Variants in FRMPD4 observed in about 807,000 individuals in gnomAD.
The protein encoded by FRMPD4 is FERM and PDZ domain-containing protein 4.
A neutral mutation model predicts 94.1 loss-of-function variants in FRMPD4; 22 were observed. The ratio of observed to expected loss-of-function variants is 0.23; its 90% CI spans 0.17 to 0.33. The LOEUF (loss-of-function observed/expected upper bound fraction) is 0.33, where lower values mean the gene tolerates loss of function less well. FRMPD4 is among the 10% of genes least tolerant of loss of function. The pLI is 1.00. For synonymous variants in FRMPD4, 631 were observed against 548.6 expected (o/e 1.15, Z -2.10); for missense variants, 1,111 against 1,339.9 (o/e 0.83, Z 2.67).
intron 1 of FRMPD4, among the ~76,000 whole-genome samples, chrX:12,447,674 T>G (rs886100223): frequency 8.9e-6 from 1 of 111,949 alleles, no homozygotes; most frequent in African/African-American, 3.3e-5. Context: ...ACCTACGTCA[T>G]GGATCCAGGG....
chrX:12,295,633 T>C (rs1252025742), intron 1 of FRMPD4, among the ~76,000 whole-genome samples: 2 of 112,346 alleles, frequency 1.8e-5, no homozygotes, highest in East Asian at 5.5e-4. Context: ...TAACTCCTCT[T>C]CTAAAAGACA....
At chrX:12,106,155 TGCCATTATATTCTACC>T (rs1405176018) in intron 3 of FRMPD4, among the ~76,000 whole-genome samples, 1 of 112,028 alleles carries the variant, frequency 8.9e-6, no homozygotes. Context: ...TCCTGATGCT[TGCCATTATATTCTACC>T]AATATCAGCT....
chrX:12,259,225 G>T (rs139223994), intron 1 of FRMPD4, among the ~76,000 whole-genome samples: 1 of 111,549 alleles, frequency 9.0e-6, no homozygotes, highest in African/African-American at 3.3e-5. Context: ...CGGGGGGTGC[G>T]TCCATTCTAG....
At chrX:12,683,729 G>C in intron 6 of FRMPD4, 142 bp downstream of exon 6, 1 of 418,347 alleles carries the variant, frequency 2.4e-6, no homozygotes, top group Admixed American at 4.4e-5. Flanking sequence ...AAATCTCAAG[G>C]TTGTAAAGGG....
intron 2 of FRMPD4, among the ~76,000 whole-genome samples, chrX:12,590,337 GC>G (rs1244494949): frequency 1.8e-5 from 2 of 112,086 alleles, no homozygotes; most frequent in Non-Finnish European, 3.8e-5. Flanking sequence ...TTTTAGGATA[GC>G]TTTTTAAATA....
chrX:11,915,518 A>G (rs957810009), intron 3 of FRMPD4, among the ~76,000 whole-genome samples: 16 of 112,775 alleles, frequency 1.4e-4, no homozygotes, highest in African/African-American at 4.8e-4. Context: ...TATGGAGAGC[A>G]TATGGTACAG....
At chrX:12,287,298 A>G (rs1449657855) in intron 1 of FRMPD4, among the ~76,000 whole-genome samples, 1 of 111,756 alleles carries the variant, frequency 8.9e-6, no homozygotes, top group Non-Finnish European at 1.9e-5. Flanking sequence ...CTCAAAGCCC[A>G]AGAAAAGGTT....
At chrX:12,230,938 A>G (rs2056980894) in intron 1 of FRMPD4, among the ~76,000 whole-genome samples, 1 of 78,125 alleles carries the variant, frequency 1.3e-5, no homozygotes. Context: ...TATATATACT[A>G]TATATAGTAA....
chrX:12,646,027 T>C (rs2059544877), intron 4 of FRMPD4, among the ~76,000 whole-genome samples: 1 of 111,807 alleles, frequency 8.9e-6, no homozygotes, highest in Admixed American at 9.5e-5. Context: ...AGTGTTAAAC[T>C]CCAATCTGTT....
chrX:12,362,655 G>A (rs775524525), intron 1 of FRMPD4, among the ~76,000 whole-genome samples: 13 of 111,247 alleles, frequency 1.2e-4, no homozygotes, highest in South Asian at 3.8e-4. Flanking sequence ...GAATAGTGCC[G>A]CAATAAACAT....
chrX:12,138,558 G>T lies in FRMPD4; in HGVS notation c.-414G>T. 4.0e-6 allele frequency: 1 copy of T among 247,778 alleles called. No homozygotes were observed. Among genetic ancestry groups the T allele is most frequent in the Non-Finnish European group, 7.2e-6 (1 of 138,987 alleles). 20.4% of individuals were successfully genotyped at this position (247,778 alleles called of 1,213,427 possible). On this transcript the variant is annotated 5_prime_UTR_variant, in exon 1 of 17. Coordinates refer to ENST00000675598, the MANE Select transcript of FRMPD4 (RefSeq NM_001368397.1). ...CCGTCTGCGCTCCTCGGTGCGTGGG[G>T]CACGAGGGTCCGAGGGCCGGGAAGC...
intron 1 of FRMPD4, among the ~76,000 whole-genome samples, chrX:12,387,876 T>G (rs189884320): frequency 9.1e-6 from 1 of 109,597 alleles, no homozygotes; most frequent in Non-Finnish European, 1.9e-5. Flanking sequence ...AGAGCCAGCG[T>G]CCATGTCTGT....
chrX:12,653,278 C>T (rs763670908), intron 4 of FRMPD4, among the ~76,000 whole-genome samples: 1 of 111,988 alleles, frequency 8.9e-6, no homozygotes, highest in African/African-American at 3.2e-5. Flanking sequence ...CCAATAGAAC[C>T]TTTTTATCTT....
At chrX:12,720,247 A>G (rs1022943410) in intron 16 of FRMPD4, among the ~76,000 whole-genome samples, 40 of 112,076 alleles carry the variant, frequency 3.6e-4, no homozygotes, top group African/African-American at 1.2e-3. Flanking sequence ...ATTGGGAGTA[A>G]GGCAATTCAT....
At chrX:12,099,448 T>C (rs2177932) in intron 3 of FRMPD4, among the ~76,000 whole-genome samples, 9,251 of 111,744 alleles carry the variant, frequency 0.083, 912 homozygotes, top group East Asian at 0.6. Context: ...ACATTGGATG[T>C]TTGGGGCAAA....
intron 1 of FRMPD4, among the ~76,000 whole-genome samples, chrX:12,283,368 A>T: frequency 8.8e-6 from 1 of 113,147 alleles, no homozygotes; most frequent in South Asian, 3.6e-4. Context: ...TAGTAAGCAA[A>T]TTAAGTATGT....
chrX:11,918,922 G>A (rs887585393), intron 3 of FRMPD4, among the ~76,000 whole-genome samples: 20 of 112,497 alleles, frequency 1.8e-4, no homozygotes, highest in African/African-American at 6.1e-4. Flanking sequence ...TGGCAATGCC[G>A]GACACCTTGG....
chrX:12,334,446 A>C (rs1299265805), intron 1 of FRMPD4, among the ~76,000 whole-genome samples: 2 of 111,392 alleles, frequency 1.8e-5, no homozygotes, highest in Non-Finnish European at 3.8e-5. Context: ...AGTCAAGTGC[A>C]ATGACAAAAC....
intron 4 of FRMPD4, among the ~76,000 whole-genome samples, chrX:12,615,284 A>G (rs1307383865): frequency 1.8e-5 from 2 of 112,529 alleles, no homozygotes; most frequent in Non-Finnish European, 3.8e-5. Flanking sequence ...ACAAACATAC[A>G]GTTCACTGAT....
Sources: allele counts gnomAD v4.1 joint callset (sites outside exome capture counted in the v4.1 genomes callset), GRCh38; gene constraint gnomAD v4.1.1; transcripts MANE v1.5; gene names NCBI Gene and HGNC (gene_info 2026-07-23, HGNC 2026-07-21).